FAF1: variants seen among roughly 807,000 people sequenced by gnomAD.
The protein encoded by FAF1 is Fas associated factor 1.
A neutral mutation model predicts 92.5 loss-of-function variants in FAF1; 25 were observed. The ratio of observed to expected loss-of-function variants is 0.27; its 90% CI spans 0.20 to 0.38. FAF1 has a LOEUF of 0.38. Among genes scored for constraint, FAF1 ranks in the 10% least tolerant of loss-of-function variants. The pLI is 1.00. For synonymous variants in FAF1, 234 were observed against 273.2 expected, an observed-to-expected ratio of 0.86 and a Z score of 1.42; for missense variants, 636 against 793.3, an observed-to-expected ratio of 0.80 and a Z score of 2.38.
intron 1 of FAF1, among the ~76,000 whole-genome samples, chr1:50,945,728 G>A (rs1428142704): frequency 1.3e-5 from 2 of 152,186 alleles, no homozygotes; most frequent in East Asian, 3.9e-4. Flanking sequence ...TAACTTGCCA[G>A]TCTATAGCTT....
intron 1 of FAF1, among the ~76,000 whole-genome samples, chr1:50,937,035 A>G (rs963004825): frequency 6.6e-6 from 1 of 152,146 alleles, no homozygotes; most frequent in Non-Finnish European, 1.5e-5. Flanking sequence ...GAGCAGGTAG[A>G]AAGATTCAAG....
At chr1:50,667,712 T>C (rs776174457) in intron 7 of FAF1, among the ~76,000 whole-genome samples, 1 of 152,198 alleles carries the variant, frequency 6.6e-6, no homozygotes, top group Non-Finnish European at 1.5e-5. Context: ...AATGTCTAGG[T>C]CAGAACAATA....
At chr1:50,707,766 T>G (rs1396327695) in intron 6 of FAF1, among the ~76,000 whole-genome samples, 1 of 152,102 alleles carries the variant, frequency 6.6e-6, no homozygotes, top group East Asian at 1.9e-4. Flanking sequence ...GCATAATGTG[T>G]GGCACACTAC....
intron 4 of FAF1, among the ~76,000 whole-genome samples, chr1:50,768,763 ACTCTGGGACACAG>A (rs1195799935): frequency 1.2e-4 from 18 of 152,130 alleles, no homozygotes; most frequent in African/African-American, 4.3e-4. Flanking sequence ...TGTAACAGAA[ACTCTGGGACACAG>A]CTTAAGCAGT....
chr1:50,760,070 A>C (rs1365635669), intron 4 of FAF1, among the ~76,000 whole-genome samples: 1 of 151,560 alleles, frequency 6.6e-6, no homozygotes, highest in Admixed American at 6.6e-5. Context: ...TCAGATGAGT[A>C]GGTTGCTCTT....
At chr1:50,736,418 T>C (rs1423332545) in intron 6 of FAF1, among the ~76,000 whole-genome samples, 2 of 152,250 alleles carry the variant, frequency 1.3e-5, no homozygotes, top group African/African-American at 4.8e-5. Context: ...GCTATATAAC[T>C]TACTAGGATA....
chr1:50,829,698 C>G (rs925637461), intron 2 of FAF1, among the ~76,000 whole-genome samples: 1 of 152,222 alleles, frequency 6.6e-6, no homozygotes, highest in South Asian at 2.1e-4. Flanking sequence ...TACCTACACA[C>G]CCTTCTCTTT....
At chr1:50,812,150 A>T (rs1643921961) in intron 2 of FAF1, among the ~76,000 whole-genome samples, 1 of 152,198 alleles carries the variant, frequency 6.6e-6, no homozygotes. Context: ...CCTGGCAAAG[A>T]TTTCATGACA....
intron 1 of FAF1, among the ~76,000 whole-genome samples, chr1:50,882,214 G>A (rs1410676517): frequency 6.6e-6 from 1 of 152,024 alleles, no homozygotes; most frequent in African/African-American, 2.4e-5. Context: ...AAACACCTTG[G>A]AAGAAAAAAC....
At chr1:50,574,898 C>G (rs146997335) in intron 12 of FAF1, among the ~76,000 whole-genome samples, 784 of 71,394 alleles carry the variant, frequency 0.011, 12 homozygotes, top group African/African-American at 0.041. Flanking sequence ...TGTATTAACT[C>G]TTTTTTTTTT....
rs1226485015 is a variant in FAF1 at position 50,438,029 on chromosome 1, A to C, written c.*3411T>G. ...CAGAGCGAGACTCTGTCTCAAAAAA[A>C]AAAAAAAAAAAAAAAAAAAATTAGA... is the stretch of plus-strand genomic sequence containing the variant. On this transcript the variant is annotated 3_prime_UTR_variant, in exon 19 of 19. Transcript: ENST00000396153. 3 of 151,216 alleles carry C rather than the reference A, an allele frequency of 2.0e-5. No homozygotes were observed. Among genetic ancestry groups the C allele is most frequent in the African/African-American group, 7.3e-5 (3 of 41,110 alleles). 9.4% of individuals were successfully genotyped at this position (151,216 alleles called of 1,614,324 possible).
At chr1:50,671,141 AT>A (rs1211024953) in intron 7 of FAF1, among the ~76,000 whole-genome samples, 1 of 152,178 alleles carries the variant, frequency 6.6e-6, no homozygotes, top group Non-Finnish European at 1.5e-5. Context: ...ACAGTGGCTC[AT>A]GCCTGTAATC....
chr1:50,543,906 T>C (rs925923677), intron 13 of FAF1, among the ~76,000 whole-genome samples: 4 of 152,190 alleles, frequency 2.6e-5, no homozygotes, highest in African/African-American at 9.7e-5. Flanking sequence ...TTCTTTTAAA[T>C]ACATTTATAT....
chr1:50,823,789 AG>A (rs1326674218), intron 2 of FAF1, among the ~76,000 whole-genome samples: 1 of 152,166 alleles, frequency 6.6e-6, no homozygotes, highest in Admixed American at 6.5e-5. Context: ...AATTAAAAAC[AG>A]ATTTCATAAT....
chr1:50,603,191 A>T (rs1252356054), intron 8 of FAF1, among the ~76,000 whole-genome samples: 1 of 152,238 alleles, frequency 6.6e-6, no homozygotes, highest in Non-Finnish European at 1.5e-5. Flanking sequence ...GGCTTAATTA[A>T]AACAGCTACT....
At chr1:50,791,982 G>A (rs1168271515) in intron 3 of FAF1, among the ~76,000 whole-genome samples, 2 of 152,122 alleles carry the variant, frequency 1.3e-5, no homozygotes, top group Non-Finnish European at 2.9e-5. Context: ...TAATAAATGG[G>A]ATACTAGTGA....
At chr1:50,847,211 T>G (rs113433941) in intron 2 of FAF1, among the ~76,000 whole-genome samples, 2 of 152,056 alleles carry the variant, frequency 1.3e-5, no homozygotes, top group South Asian at 4.1e-4. Context: ...AATTGAAGAC[T>G]AATGTATTAA....
At chr1:50,477,997 C>A (rs1225731579) in intron 17 of FAF1, among the ~76,000 whole-genome samples, 4 of 152,230 alleles carry the variant, frequency 2.6e-5, no homozygotes, top group African/African-American at 9.6e-5. Flanking sequence ...CTTCTCCTTT[C>A]TCTGAGGTAT....
chr1:50,652,673 A>G (rs1458483396), intron 8 of FAF1, among the ~76,000 whole-genome samples: 1 of 152,228 alleles, frequency 6.6e-6, no homozygotes, highest in African/African-American at 2.4e-5. Flanking sequence ...TGTATCACCT[A>G]GATTCAACAA....
Sources: allele counts gnomAD v4.1 joint callset (sites outside exome capture counted in the v4.1 genomes callset), GRCh38; gene constraint gnomAD v4.1.1; transcripts MANE v1.5; gene names NCBI Gene and HGNC (gene_info 2026-07-23, HGNC 2026-07-21).